Variants in FHIP1A observed in about 807,000 individuals in gnomAD.
FHIP1A encodes the protein FHF complex subunit HOOK interacting protein 1A.
In FHIP1A, 61 loss-of-function variants were observed where a neutral mutation model predicts 88.6. That is an observed-to-expected ratio of 0.69 (90% CI 0.56 to 0.85). The LOEUF (loss-of-function observed/expected upper bound fraction) is 0.85. Ranked by LOEUF, FHIP1A falls within the 40% of genes least tolerant of loss-of-function variation. FHIP1A has a pLI of 0.00. For missense variants in FHIP1A, 1,154 were observed against 1,273.5 expected, an observed-to-expected ratio of 0.91 and a Z score of 1.43; for synonymous variants, 478 against 496.0, an observed-to-expected ratio of 0.96 and a Z score of 0.48.
At chr4:151,600,445 A>G (rs1734820156) in intron 7 of FHIP1A, among the ~76,000 whole-genome samples, 1 of 152,192 alleles carries the variant, frequency 6.6e-6, no homozygotes, top group Non-Finnish European at 1.5e-5. Flanking sequence ...AGGGCCCCAG[A>G]AGGAATAGAT....
chr4:151,415,583 A>G (rs1454476959), intron 1 of FHIP1A, among the ~76,000 whole-genome samples: 1 of 152,206 alleles, frequency 6.6e-6, no homozygotes, highest in Non-Finnish European at 1.5e-5. Context: ...AAGTGTTATC[A>G]TTGTACACTT....
At position 151,589,790 on chromosome 4, in the gene FHIP1A, G is replaced by A. The variant is rs565064139; in HGVS notation, c.978+864G>A. Among the ~76,000 whole-genome samples the A allele has an allele frequency of 5.9e-5, 9 of 152,282 alleles. No homozygotes were observed. In the South Asian group the frequency reaches 1.9e-3, roughly 32 times the overall value. On this transcript the variant is annotated intron_variant, in intron 7 of 13. Transcript: ENST00000435205. ...CCAAGCTGATGAGGTTTCTGGTTTA[G>A]AGCAGATCTTGACAGAAGATGTTCA...
At chr4:151,613,121 A>G (rs1735387553) in intron 7 of FHIP1A, among the ~76,000 whole-genome samples, 2 of 152,174 alleles carry the variant, frequency 1.3e-5, no homozygotes, top group Non-Finnish European at 2.9e-5. Context: ...TTGGTTTTTC[A>G]ACCAGTGCTT....
At chr4:151,513,084 T>C (rs1412539722) in intron 3 of FHIP1A, among the ~76,000 whole-genome samples, 1 of 152,144 alleles carries the variant, frequency 6.6e-6, no homozygotes, top group African/African-American at 2.4e-5. Flanking sequence ...GGGAAGCCCA[T>C]CAGACTAACA....
chr4:151,564,134 G>T (rs1733287139), intron 3 of FHIP1A, among the ~76,000 whole-genome samples: 2 of 152,190 alleles, frequency 1.3e-5, no homozygotes, highest in Non-Finnish European at 2.9e-5. Flanking sequence ...TAACTTGAAG[G>T]ATCTTAGCAT....
chr4:151,516,907 A>T (rs926411997), intron 3 of FHIP1A, among the ~76,000 whole-genome samples: 1 of 152,002 alleles, frequency 6.6e-6, no homozygotes, highest in Non-Finnish European at 1.5e-5. Context: ...TTCCTCAGGG[A>T]TCTAGAACTA....
intron 3 of FHIP1A, among the ~76,000 whole-genome samples, chr4:151,499,304 C>T (rs1322980282): frequency 1.3e-5 from 2 of 152,134 alleles, no homozygotes; most frequent in Non-Finnish European, 2.9e-5. Flanking sequence ...GTCTATGTGA[C>T]TTTGAAATTA....
intron 3 of FHIP1A, among the ~76,000 whole-genome samples, chr4:151,502,890 T>A (rs1365916400): frequency 6.6e-6 from 1 of 152,230 alleles, no homozygotes; most frequent in Non-Finnish European, 1.5e-5. Context: ...TGTTGGCCCA[T>A]ATTTTCAATA....
chr4:151,539,201 C>G (rs1304308521), intron 3 of FHIP1A, among the ~76,000 whole-genome samples: 1 of 152,168 alleles, frequency 6.6e-6, no homozygotes, highest in Admixed American at 6.5e-5. Context: ...TTAACTGATA[C>G]TTTTTTAAGC....
At chr4:151,588,187 T>A (rs573241125) in intron 6 of FHIP1A, among the ~76,000 whole-genome samples, 54 of 152,130 alleles carry the variant, frequency 3.5e-4, no homozygotes, top group African/African-American at 1.3e-3. Flanking sequence ...TTATGAAAGA[T>A]ATTAGTAGAG....
At chr4:151,557,908 C>T (rs184957302) in intron 3 of FHIP1A, among the ~76,000 whole-genome samples, 6 of 152,228 alleles carry the variant, frequency 3.9e-5, no homozygotes, top group Non-Finnish European at 2.9e-5. Context: ...GTATGCTGAG[C>T]TAGACTTACA....
intron 7 of FHIP1A, among the ~76,000 whole-genome samples, chr4:151,623,043 A>G (rs952044381): frequency 6.6e-6 from 1 of 152,228 alleles, no homozygotes. Context: ...GAGGTTTATG[A>G]TAAGCAAGCA....
intron 3 of FHIP1A, among the ~76,000 whole-genome samples, chr4:151,492,833 C>T (rs773375455): frequency 9.2e-5 from 14 of 152,004 alleles, no homozygotes; most frequent in Non-Finnish European, 1.9e-4. Flanking sequence ...ACAGCAAAAG[C>T]GATGCTAAGA....
chr4:151,619,839 A>AACAGAAAACTCCCTTTACATT (rs1239869563), intron 7 of FHIP1A, among the ~76,000 whole-genome samples: 2 of 152,230 alleles, frequency 1.3e-5, no homozygotes, highest in Admixed American at 6.5e-5. Flanking sequence ...AGCTGTGGAT[A>AACAGAAAACTCCCTTTACATT]ACAGAAAACT....
intron 2 of FHIP1A, among the ~76,000 whole-genome samples, chr4:151,458,933 A>G (rs553135621): frequency 9.5e-4 from 144 of 152,130 alleles, no homozygotes; most frequent in Non-Finnish European, 1.4e-3. Flanking sequence ...ACTCTTGGTT[A>G]TTGAACCAAC....
intron 1 of FHIP1A, among the ~76,000 whole-genome samples, chr4:151,414,569 G>T (rs1461735817): frequency 6.6e-6 from 1 of 152,164 alleles, no homozygotes; most frequent in African/African-American, 2.4e-5. Context: ...TTCTTGCCCA[G>T]TTGAATTTGA....
intron 3 of FHIP1A, among the ~76,000 whole-genome samples, chr4:151,546,013 C>T (rs1044408767): frequency 6.6e-6 from 1 of 152,082 alleles, no homozygotes; most frequent in African/African-American, 2.4e-5. Context: ...TGTGTCTGTG[C>T]GGTGTTCCCA....
chr4:151,661,129 C>G (rs1027468670), intron 13 of FHIP1A, among the ~76,000 whole-genome samples: 4 of 152,042 alleles, frequency 2.6e-5, no homozygotes, highest in Non-Finnish European at 5.9e-5. Context: ...TGTCCCAGTC[C>G]CCATTGGAAC....
chr4:151,575,412 G>T (rs1260446929), intron 4 of FHIP1A, among the ~76,000 whole-genome samples: 1 of 152,140 alleles, frequency 6.6e-6, no homozygotes, highest in Non-Finnish European at 1.5e-5. Context: ...AGAGAACCAG[G>T]TCCCAGTGTT....
Sources: gnomAD v4.1 joint callset for allele counts (sites outside exome capture counted in the v4.1 genomes callset) on GRCh38, gnomAD v4.1.1 for gene constraint, MANE v1.5 for transcripts, NCBI Gene and HGNC (gene_info 2026-07-23, HGNC 2026-07-21) for gene names.